The following SLC2A9 variants were observed in gnomAD, a reference collection of about 807,000 sequenced individuals.
The protein encoded by SLC2A9 is solute carrier family 2, facilitated glucose transporter member 9.
A neutral mutation model predicts 50.6 loss-of-function variants in SLC2A9; 39 were observed. That is an observed-to-expected ratio of 0.77 (90% confidence interval 0.60 to 1.01). SLC2A9 has a LOEUF of 1.01. Ranked by LOEUF, SLC2A9 falls within the 50% of genes least tolerant of loss-of-function variation. The pLI is 0.00. For synonymous variants in SLC2A9, 324 were observed against 276.9 expected (o/e 1.17, Z -1.69); for missense variants, 686 against 677.6 (o/e 1.01, Z -0.14).
At chr4:9,924,302 G>A (rs938158305) in intron 6 of SLC2A9, among the ~76,000 whole-genome samples, 7 of 152,168 alleles carry the variant, frequency 4.6e-5, no homozygotes, top group South Asian at 2.1e-4. Flanking sequence ...CCCAGCACCC[G>A]TGCCTCTCCG....
At chr4:9,825,346 A>C (rs1724964649), downstream of SLC2A9, among the ~76,000 whole-genome samples, 1 of 152,212 alleles carries the variant, frequency 6.6e-6, no homozygotes, top group African/African-American at 2.4e-5. Context: ...AGATTTTCTT[A>C]GCAACAGTCA....
rs547203071 is a variant in SLC2A9, at chr4:9,953,349, C to T, written c.682-11304G>A. Among the ~76,000 whole-genome samples, 168 of 152,364 alleles carry T rather than the reference C, an allele frequency of 1.1e-3. 1 individual carries two copies. The highest frequency in any genetic ancestry group is 2.2e-3 in the Admixed American group (33 of 15,308). On this transcript the variant is annotated intron_variant, in intron 5 of 11. Transcript: ENST00000264784. ...ATCATCTGCCTGTCTCAAATCTCAG[C>T]CACATGCTGTTGCTTAAAGAGCTGG...
At chr4:9,995,336 C>T (rs891536598) in intron 3 of SLC2A9, among the ~76,000 whole-genome samples, 1 of 152,152 alleles carries the variant, frequency 6.6e-6, no homozygotes, top group African/African-American at 2.4e-5. Flanking sequence ...ATGTCAGCAC[C>T]TCCCCTACCT....
chr4:9,839,461 C>T (rs1267397662), intron 10 of SLC2A9, among the ~76,000 whole-genome samples: 3 of 152,048 alleles, frequency 2.0e-5, no homozygotes, highest in Admixed American at 6.6e-5. Context: ...AACTACTATT[C>T]GACCCAGCAA....
Position 9,985,761 on chromosome 4 carries a change from G to T in SLC2A9, c.443C>A (p.Ala148Glu), listed in dbSNP as rs752561904. The change falls in exon 4 of 12, where the codon GCA (alanine) becomes GAA (glutamate). Residue 148 changes from alanine (A) to glutamate (E), a missense_variant. Ala to Glu is a moderately radical substitution (Grantham distance 107). Transcript: ENST00000264784. ...GGCCATCAGCAATGCAGCAGAAATT[G>T]CAAACCCATTATTGGCCAGCAAAGT... The part of the protein sequence containing the change: ...KHTLLANNGF[A>E]ISAALLMACS... 6.2e-7 allele frequency: 1 copy of T among 1,614,040 alleles called. No individual in the cohort carries two copies. The highest frequency in any genetic ancestry group is 8.5e-7 in the Non-Finnish European group (1 of 1,179,882).
intron 3 of SLC2A9, among the ~76,000 whole-genome samples, chr4:9,989,179 C>T (rs376532001): frequency 8.5e-5 from 13 of 152,280 alleles, no homozygotes; most frequent in African/African-American, 2.9e-4. Flanking sequence ...ATATGCCCAT[C>T]CACCCCCTTT....
In SLC2A9 at chr4:9,853,928, A is replaced by G. The variant is rs1049838130; in HGVS notation, c.1292-18920T>C. ...AATGATGAAATTAAGGCAAAAATAA[A>G]GAAATTGATTGAAATTAATGAGAAC... On this transcript the variant is annotated intron_variant, in intron 10 of 11. Transcript: ENST00000264784. Among the ~76,000 whole-genome samples the G allele has an allele frequency of 3.9e-5, 6 of 152,200 alleles. No individual in the cohort carries two copies. In the East Asian group the frequency reaches 1.2e-3, roughly 29 times the overall value.
Position 9,999,017 on chromosome 4 carries a change from G to A in SLC2A9, c.250-2076C>T, listed in dbSNP as rs540640179. Reference sequence around the variant, plus strand: ...AAGAATTATTTCAAATGTCAGGTCAGGGGTCATCTCGGGGGATGACAGAAG... The same window carrying A: ...AAGAATTATTTCAAATGTCAGGTCAAGGGTCATCTCGGGGGATGACAGAAG... On this transcript the variant is annotated intron_variant, in intron 2 of 11. Coordinates refer to ENST00000264784, the MANE Select transcript of SLC2A9 (RefSeq NM_020041.3). 2.0e-5 allele frequency among the ~76,000 whole-genome samples: 3 copies of A among 151,616 alleles called. No homozygotes were observed. The South Asian group carries it at 6.3e-4, about 32-fold the overall frequency.
chr4:9,801,782 T>C (rs1189787983), intron 3 of SLC2A9, among the ~76,000 whole-genome samples: 2 of 152,166 alleles, frequency 1.3e-5, no homozygotes, highest in African/African-American at 2.4e-5. Context: ...CTAAGTTATC[T>C]AAGTTGTAAC....
intron 6 of SLC2A9, among the ~76,000 whole-genome samples, chr4:9,920,853 A>G (rs1577897991): frequency 6.6e-6 from 1 of 152,194 alleles, no homozygotes; most frequent in Non-Finnish European, 1.5e-5. Context: ...GGCAGAGCAC[A>G]CCCAGAGTTC....
intron 5 of SLC2A9, among the ~76,000 whole-genome samples, chr4:9,980,369 G>T (rs927618022): frequency 1.3e-5 from 2 of 152,028 alleles, no homozygotes; most frequent in African/African-American, 4.8e-5. Flanking sequence ...TTACTGGGTG[G>T]GTGGACTTAA....
chr4:9,807,031 G>A (rs903045196), intron 3 of SLC2A9, among the ~76,000 whole-genome samples: 3 of 152,148 alleles, frequency 2.0e-5, no homozygotes, highest in African/African-American at 7.2e-5. Context: ...GTGTTCACAT[G>A]GTTTGGGGTC....
At chr4:9,872,625 C>A (rs938133557) in intron 10 of SLC2A9, among the ~76,000 whole-genome samples, 7 of 152,166 alleles carry the variant, frequency 4.6e-5, no homozygotes, top group East Asian at 1.9e-4. Context: ...TATATATATT[C>A]TTTTTGTGGA....
At chr4:9,944,502 G>T (rs535269016) in intron 5 of SLC2A9, among the ~76,000 whole-genome samples, 2 of 152,240 alleles carry the variant, frequency 1.3e-5, no homozygotes, top group African/African-American at 4.8e-5. Flanking sequence ...GGGTCGCATG[G>T]GTGACCATGG....
At chr4:9,977,419 G>T (rs1578159266) in intron 5 of SLC2A9, among the ~76,000 whole-genome samples, 1 of 152,142 alleles carries the variant, frequency 6.6e-6, no homozygotes, top group African/African-American at 2.4e-5. Flanking sequence ...AGATGCCCTT[G>T]TCCCTCAAGC....
At chr4:9,966,942 T>A (rs1282313114) in intron 5 of SLC2A9, among the ~76,000 whole-genome samples, 1 of 152,230 alleles carries the variant, frequency 6.6e-6, no homozygotes, top group Non-Finnish European at 1.5e-5. Context: ...CTTTCCATTC[T>A]TGTGCCCATG....
At chr4:9,968,212 A>C (rs2108987728) in intron 5 of SLC2A9, among the ~76,000 whole-genome samples, 1 of 152,304 alleles carries the variant, frequency 6.6e-6, no homozygotes, top group South Asian at 2.1e-4. Flanking sequence ...CTTCTTAAAA[A>C]TGGTATCTTC....
At chr4:9,997,005 G>C in intron 2 of SLC2A9, 64 bp from the exon 3 acceptor site, 1 of 1,594,534 alleles carries the variant, frequency 6.3e-7, no homozygotes, top group East Asian at 2.2e-5. Flanking sequence ...AAGCAAGCCA[G>C]TGTACAAAAC....
chr4:9,847,821 T>G (rs186361210), intron 10 of SLC2A9, among the ~76,000 whole-genome samples: 1 of 152,266 alleles, frequency 6.6e-6, no homozygotes, highest in African/African-American at 2.4e-5. Context: ...AGAAAAGGAG[T>G]GATAAAATGT....
Sources: gnomAD v4.1 joint callset for allele counts (sites outside exome capture counted in the v4.1 genomes callset) on GRCh38, gnomAD v4.1.1 for gene constraint, MANE v1.5 for transcripts, NCBI Gene and HGNC (gene_info 2026-07-23, HGNC 2026-07-21) for gene names.